The following FOXP1 variants were observed in gnomAD, a reference collection of about 807,000 sequenced individuals.
FOXP1 encodes forkhead box P1.
FOXP1 carries 15 observed loss-of-function variants against 98.2 expected under a neutral mutation model. The observed-to-expected ratio is 0.15, with a 90% CI of 0.10 to 0.24. The LOEUF (loss-of-function observed/expected upper bound fraction) is 0.24. Ranked by LOEUF, FOXP1 falls within the 10% of genes least tolerant of loss-of-function variation. FOXP1 has a pLI of 1.00. For missense variants in FOXP1, 633 were observed against 848.5 expected, an observed-to-expected ratio of 0.75 and a Z score of 3.15; for synonymous variants, 371 against 314.5, an observed-to-expected ratio of 1.18 and a Z score of -1.90.
intron 6 of FOXP1, among the ~76,000 whole-genome samples, chr3:71,147,300 A>G (rs1433427172): frequency 6.6e-6 from 1 of 152,168 alleles, no homozygotes; most frequent in East Asian, 1.9e-4. Context: ...TCAAAGCCAC[A>G]TTCCAAAGCC....
intron 6 of FOXP1, among the ~76,000 whole-genome samples, chr3:71,124,099 A>T (rs2058979001): frequency 6.6e-6 from 1 of 151,524 alleles, no homozygotes; most frequent in Non-Finnish European, 1.5e-5. Context: ...AAATCTGCAC[A>T]TGTACCCATG....
chr3:71,381,094 G>T (rs1225891726), intron 3 of FOXP1, among the ~76,000 whole-genome samples: 2 of 151,312 alleles, frequency 1.3e-5, no homozygotes. Context: ...ACCTTCTTAG[G>T]TAAATTACAA....
chr3:71,111,883 T>G (rs919646872), intron 7 of FOXP1, among the ~76,000 whole-genome samples: 2 of 152,154 alleles, frequency 1.3e-5, no homozygotes, highest in Non-Finnish European at 2.9e-5. Context: ...GGGTATATAT[T>G]ATAATCATTA....
At chr3:71,058,646 T>C (rs2051023728) in intron 7 of FOXP1, among the ~76,000 whole-genome samples, 1 of 151,228 alleles carries the variant, frequency 6.6e-6, no homozygotes, top group African/African-American at 2.4e-5. Flanking sequence ...TATGACCATA[T>C]ACAAGCTAGC....
chr3:71,334,504 T>C (rs2076551538), intron 4 of FOXP1: 1 of 152,020 alleles, frequency 6.6e-6, no homozygotes, highest in Non-Finnish European at 1.5e-5. Context: ...ATTCCTGAAA[T>C]TAAAAAAATA....
intron 3 of FOXP1, among the ~76,000 whole-genome samples, chr3:71,379,167 G>A (rs995033858): frequency 6.6e-6 from 1 of 151,728 alleles, no homozygotes; most frequent in African/African-American, 2.4e-5. Context: ...ATCTCTATTT[G>A]TATCTATATT....
chr3:71,490,744 C>A (rs180901626), intron 3 of FOXP1, among the ~76,000 whole-genome samples: 338 of 152,204 alleles, frequency 2.2e-3, no homozygotes, highest in Non-Finnish European at 3.9e-3. Flanking sequence ...TGGGCCAAAT[C>A]CAATTGAAAT....
chr3:71,227,514 GA>G (rs1462149324), intron 5 of FOXP1, among the ~76,000 whole-genome samples: 1 of 152,116 alleles, frequency 6.6e-6, no homozygotes, highest in East Asian at 1.9e-4. Flanking sequence ...CATGTGAAAG[GA>G]AGTCCTATGA....
chr3:71,356,059 G>A (rs1203098938), intron 4 of FOXP1, among the ~76,000 whole-genome samples: 1 of 152,018 alleles, frequency 6.6e-6, no homozygotes, highest in South Asian at 2.1e-4. Flanking sequence ...TCAGCACAGA[G>A]GCAGGGATGG....
At chr3:71,081,137 G>A (rs1162229624) in intron 7 of FOXP1, among the ~76,000 whole-genome samples, 2 of 152,128 alleles carry the variant, frequency 1.3e-5, no homozygotes, top group South Asian at 2.1e-4. Flanking sequence ...CCTTGGATAC[G>A]ACACTAAACA....
chr3:71,038,531 T>C (rs1461889119), intron 11 of FOXP1, among the ~76,000 whole-genome samples: 3 of 152,234 alleles, frequency 2.0e-5, no homozygotes. Flanking sequence ...CATACCTTTA[T>C]AGTGACAGCT....
At chr3:71,032,239 G>A (rs775714362) in intron 11 of FOXP1, among the ~76,000 whole-genome samples, 15 of 152,270 alleles carry the variant, frequency 9.9e-5, no homozygotes, top group Non-Finnish European at 1.9e-4. Flanking sequence ...CGGGGGGATT[G>A]TCCCATATTA....
intron 9 of FOXP1, among the ~76,000 whole-genome samples, chr3:71,050,981 C>T (rs1317504223): frequency 1.3e-5 from 2 of 152,170 alleles, no homozygotes; most frequent in Admixed American, 6.5e-5. Context: ...TGTCTTTGAA[C>T]TTCTTTTGAC....
At chr3:70,960,616 T>A (rs545912918) in intron 20 of FOXP1, among the ~76,000 whole-genome samples, 1 of 152,262 alleles carries the variant, frequency 6.6e-6, no homozygotes, top group East Asian at 1.9e-4. Flanking sequence ...ATTTTTAAAT[T>A]GACGTTATCA....
At position 70,977,838 on chromosome 3, in the gene FOXP1, G is replaced by A. The variant is rs1363212424; in HGVS notation, c.1338C>T (p.Pro446=). The A allele has an allele frequency of 2.8e-5, 45 of 1,613,982 alleles. No individual in the cohort carries two copies. The highest frequency in any genetic ancestry group is 3.6e-5 in the Non-Finnish European group (43 of 1,179,976). Residue 446 remains proline (P), a synonymous_variant, in exon 15 of 21, where the codon CCC becomes CCT. Transcript: ENST00000649528. ...RRRYSDKYNV[P]ISSADIAQNQ... ...AGGTGGAGTATCTACCTGACGAAAT[G>A]GGCACGTTGTATTTGTCTGAGTACC...
chr3:71,563,279 G>A (rs2046672466), intron 2 of FOXP1, among the ~76,000 whole-genome samples: 1 of 152,126 alleles, frequency 6.6e-6, no homozygotes, highest in African/African-American at 2.4e-5. Flanking sequence ...GACATAGATG[G>A]GCATCTTGTA....
rs142567808 is a variant in FOXP1 at position 71,397,970 on chromosome 3, G to C, written c.-167-38726C>G. Among the ~76,000 whole-genome samples, 4 of 152,264 alleles carry C rather than the reference G, an allele frequency of 2.6e-5. No individual in the cohort carries two copies. The East Asian group carries it at 5.8e-4, about 22-fold the overall frequency. ...AAGAAGCAGAGAGAGTGGGGAAAGA[G>C]AGAGAAGGGGAGAGGAAGGAAGGAA... On this transcript the variant is annotated intron_variant, in intron 3 of 20. Transcript: ENST00000649528.
At chr3:71,218,918 T>C (rs1211132335) in intron 5 of FOXP1, among the ~76,000 whole-genome samples, 1 of 152,182 alleles carries the variant, frequency 6.6e-6, no homozygotes, top group African/African-American at 2.4e-5. Flanking sequence ...AGTCCCTTGT[T>C]CCTACAACCT....
intron 20 of FOXP1, among the ~76,000 whole-genome samples, 179 bp downstream of exon 20, chr3:70,965,711 A>G (rs1038953182): frequency 3.3e-5 from 5 of 152,212 alleles, no homozygotes; most frequent in Admixed American, 3.3e-4. Context: ...GTTAGCAAAT[A>G]GTCCTTTTAT....
Sources: gnomAD v4.1 joint callset for allele counts (sites outside exome capture counted in the v4.1 genomes callset) on GRCh38, gnomAD v4.1.1 for gene constraint, MANE v1.5 for transcripts, NCBI Gene and HGNC (gene_info 2026-07-23, HGNC 2026-07-21) for gene names.